Variants in AFAP1 observed in about 807,000 individuals in gnomAD.
AFAP1 encodes actin filament-associated protein 1.
Under a neutral mutation model 93.9 loss-of-function variants are expected in AFAP1, and 75 were observed. The observed-to-expected ratio is 0.80, with a 90% CI of 0.66 to 0.97. AFAP1 has a LOEUF of 0.97. AFAP1 is among the 50% of genes least tolerant of loss of function. The pLI, the probability that AFAP1 is intolerant of heterozygous loss-of-function variation, is 0.00. For synonymous variants in AFAP1, 517 were observed against 430.7 expected (o/e 1.20, Z -2.48); for missense variants, 1,201 against 1,050.8 (o/e 1.14, Z -1.98).
chr4:7,790,212 T>C (rs1717740451), intron 11 of AFAP1, among the ~76,000 whole-genome samples: 1 of 152,206 alleles, frequency 6.6e-6, no homozygotes, highest in African/African-American at 2.4e-5. Context: ...ATCTCATCTC[T>C]CTTAAGTGTT....
At chr4:7,920,293 T>C (rs1019599026) in intron 1 of AFAP1, among the ~76,000 whole-genome samples, 6 of 152,222 alleles carry the variant, frequency 3.9e-5, no homozygotes, top group Non-Finnish European at 8.8e-5. Context: ...AATTGAATGG[T>C]GTTAATTCCT....
At chr4:7,835,754 T>G (rs1354984914) in intron 6 of AFAP1, among the ~76,000 whole-genome samples, 5 of 108,902 alleles carry the variant, frequency 4.6e-5, no homozygotes, top group African/African-American at 1.2e-4. Flanking sequence ...GACTGCGGGC[T>G]GCCTTAAGGT....
chr4:7,769,159 C>T (rs1261815092), intron 16 of AFAP1, 151 bp from the exon 17 acceptor site: 4 of 1,060,276 alleles, frequency 3.8e-6, no homozygotes, highest in Admixed American at 2.9e-5. Context: ...GTGGTCAGTG[C>T]CTCACCCCCA....
chr4:7,880,659 G>C (rs1275115826), intron 1 of AFAP1, among the ~76,000 whole-genome samples: 2 of 152,216 alleles, frequency 1.3e-5, no homozygotes, highest in African/African-American at 4.8e-5. Context: ...TGGTAAAGGG[G>C]TGAGAGCCGG....
chr4:7,782,735 C>T (rs967500604), intron 12 of AFAP1, among the ~76,000 whole-genome samples: 2 of 152,194 alleles, frequency 1.3e-5, no homozygotes, highest in African/African-American at 4.8e-5. Context: ...GTCCTTTCTG[C>T]CAGACGGTAA....
chr4:7,880,675 G>A (rs1717788153), intron 1 of AFAP1, among the ~76,000 whole-genome samples: 1 of 152,188 alleles, frequency 6.6e-6, no homozygotes, highest in African/African-American at 2.4e-5. Flanking sequence ...GCCGGGAACG[G>A]GGTGACCAGA....
intron 1 of AFAP1, among the ~76,000 whole-genome samples, chr4:7,932,034 G>A (rs1023026914): frequency 6.6e-6 from 1 of 151,850 alleles, no homozygotes; most frequent in Admixed American, 6.6e-5. Context: ...CTAATTTTTT[G>A]TATTTTTTAG....
At position 7,781,504 on chromosome 4, in the gene AFAP1, C is replaced by G; in HGVS notation, c.1654G>C (p.Ala552Pro). The change falls in exon 13 of 18, where the codon GCT (alanine) becomes CCT (proline). Residue 552 changes from alanine (A) to proline (P), a missense_variant. By Grantham distance (27) the Ala-to-Pro change is conservative. Coordinates refer to ENST00000420658, the MANE Select transcript of AFAP1 (RefSeq NM_001134647.2). ...PPHIFARYSP[A>P]DRKASRLSAD... Reference sequence around the variant, plus strand: ...GACAGCCTAGAGGCCTTTCTGTCAGCAGGAGAGTAGCGGGCAAAGATGTGC... The same window carrying G: ...GACAGCCTAGAGGCCTTTCTGTCAGGAGGAGAGTAGCGGGCAAAGATGTGC... 1 of 1,552,232 alleles carries G rather than the reference C, an allele frequency of 6.4e-7. No homozygotes were observed. The highest frequency in any genetic ancestry group is 8.7e-7 in the Non-Finnish European group (1 of 1,147,118).
intron 11 of AFAP1, among the ~76,000 whole-genome samples, chr4:7,788,365 G>A (rs997148726): frequency 1.3e-5 from 2 of 152,252 alleles, no homozygotes; most frequent in Non-Finnish European, 2.9e-5. Context: ...GGGAGGTACC[G>A]GGCTTGGGGC....
chr4:7,790,188 T>A (rs1717737499), intron 11 of AFAP1, among the ~76,000 whole-genome samples: 1 of 152,238 alleles, frequency 6.6e-6, no homozygotes, highest in South Asian at 2.1e-4. Context: ...TTTTGAACAC[T>A]GTTTCCTTGT....
At chr4:7,866,284 C>T (rs1459204718) in intron 3 of AFAP1, among the ~76,000 whole-genome samples, 5 of 152,148 alleles carry the variant, frequency 3.3e-5, no homozygotes, top group East Asian at 1.9e-4. Context: ...GCAACCTCTG[C>T]GTCCCGGGCT....
intron 1 of AFAP1, among the ~76,000 whole-genome samples, chr4:7,909,420 A>C (rs1403877654): frequency 2.6e-5 from 4 of 152,240 alleles, no homozygotes; most frequent in African/African-American, 7.2e-5. Context: ...ATACCTAAAG[A>C]GTACTTCATA....
intron 5 of AFAP1, 87 bp from the exon 6 acceptor site, chr4:7,838,790 T>G: frequency 2.7e-6 from 4 of 1,467,908 alleles, no homozygotes; most frequent in Non-Finnish European, 3.7e-6. Context: ...AAAACCTGAG[T>G]GCGGGCAAGG....
chr4:7,809,732 G>C lies in AFAP1; in HGVS notation c.936C>G (p.Ala312=). The C allele has an allele frequency of 6.2e-7, 1 of 1,613,580 alleles. No homozygotes were observed. The highest frequency in any genetic ancestry group is 1.1e-5 in the South Asian group (1 of 90,998). The change falls in exon 9 of 18, where the codon GCC becomes GCG. Residue 312 remains alanine (A), a synonymous_variant. Transcript: ENST00000420658. ...VKRKKSSKSE[A]KGTVSKVTGK... is the part of the protein sequence containing the mutation. ...CAGTGACTTTCGACACAGTGCCCTTGGCCTCTGATTTGGAACTTTTCTTCC... is the reference window on the plus strand; with the variant it reads ...CAGTGACTTTCGACACAGTGCCCTTCGCCTCTGATTTGGAACTTTTCTTCC...
rs1343182389 is a variant in AFAP1, at chr4:7,815,889, G to A, written c.904+129C>T. On this transcript the variant is annotated intron_variant, in intron 8 of 17. Coordinates refer to ENST00000420658, the MANE Select transcript of AFAP1 (RefSeq NM_001134647.2). ...TCCCATCAGTATCCTCTGCCATGAT[G>A]ACGATATCTACACATCTGAATCACC... 4 of 739,906 alleles carry A rather than the reference G, an allele frequency of 5.4e-6. No individual in the cohort carries two copies. In the African/African-American group the frequency reaches 7.5e-5, roughly 14 times the overall value. 45.8% of individuals were successfully genotyped at this position (739,906 alleles called of 1,614,324 possible).
intron 2 of AFAP1, among the ~76,000 whole-genome samples, chr4:7,871,590 T>C (rs1577322643): frequency 6.6e-6 from 1 of 152,124 alleles, no homozygotes; most frequent in Non-Finnish European, 1.5e-5. Context: ...CTACATCTTC[T>C]CCCTTCCGAT....
intron 9 of AFAP1, chr4:7,809,411 C>G: frequency 2.0e-6 from 1 of 490,808 alleles, no homozygotes; most frequent in Non-Finnish European, 3.3e-6. Context: ...TAGAGATCAT[C>G]TAAAAGGCCT....
At chr4:7,867,061 G>A (rs1486624070) in intron 3 of AFAP1, among the ~76,000 whole-genome samples, 8 of 132,774 alleles carry the variant, frequency 6.0e-5, no homozygotes, top group African/African-American at 2.2e-4. Flanking sequence ...GATGAAAGAG[G>A]GGAGGGGAGG....
At chr4:7,898,657 G>GAA (rs66560687) in intron 1 of AFAP1, among the ~76,000 whole-genome samples, 62 of 135,638 alleles carry the variant, frequency 4.6e-4, no homozygotes, top group South Asian at 1.7e-3. Context: ...AGAAAAAGAA[G>GAA]AAAAAAAAAA....
Sources: gnomAD v4.1 joint callset for allele counts (sites outside exome capture counted in the v4.1 genomes callset) on GRCh38, gnomAD v4.1.1 for gene constraint, MANE v1.5 for transcripts, NCBI Gene and HGNC (gene_info 2026-07-23, HGNC 2026-07-21) for gene names.